The following UQCRB variants were observed in gnomAD, a reference collection of about 807,000 sequenced individuals.
The protein encoded by UQCRB is ubiquinol-cytochrome c reductase binding protein, also known as cytochrome b-c1 complex subunit 7.
In UQCRB, 12 loss-of-function variants were observed where a neutral mutation model predicts 19.8. That is an observed-to-expected ratio of 0.61 (90% CI 0.39 to 0.98). The LOEUF is 0.98. Among genes scored for constraint, UQCRB ranks in the 50% least tolerant of loss-of-function variants. The probability of loss-of-function intolerance (pLI) is 0.00; values close to 1 mark genes in which losing one functional copy is unlikely to be tolerated. For synonymous variants in UQCRB, 39 were observed against 42.9 expected, an observed-to-expected ratio of 0.91 and a Z score of 0.35; for missense variants, 142 against 131.8, an observed-to-expected ratio of 1.08 and a Z score of -0.38.
In UQCRB at chr8:96,230,690, G is replaced by A. The variant is rs1404629389; in HGVS notation, c.*365C>T. 1 of 471,756 alleles carries A rather than the reference G, an allele frequency of 2.1e-6. No individual in the cohort carries two copies. The highest frequency in any genetic ancestry group is 6.5e-5 in the East Asian group (1 of 15,312). 29.2% of individuals were successfully genotyped at this position (471,756 alleles called of 1,614,324 possible). A position where few individuals can be genotyped will look rare whatever the true frequency, so the allele number is the denominator to read the frequency against. ...GTGAAGAGGCTATTTCTCAATCTTG[G>A]CAAACTAGGGGGTGCATACCCCCTT... is the stretch of plus-strand genomic sequence containing the variant. On this transcript the variant is annotated 3_prime_UTR_variant, in exon 4 of 4. Transcript: ENST00000287022.
chr8:96,234,349 C>G (rs114653511), intron 1 of UQCRB: 22 of 418,662 alleles, frequency 5.3e-5, no homozygotes, highest in Admixed American at 3.8e-4. Flanking sequence ...GCACCAAACA[C>G]TTTCCTATTT....
At chr8:96,235,254 TG>T in intron 1 of UQCRB, 1 of 600,464 alleles carries the variant, frequency 1.7e-6, no homozygotes, top group Non-Finnish European at 3.0e-6. Context: ...CACGGGCAGC[TG>T]GAACTCCAGG....
chr8:96,233,069 TGCAAAA>T, intron 2 of UQCRB, 81 bp downstream of exon 2: 2 of 1,308,040 alleles, frequency 1.5e-6, no homozygotes, highest in South Asian at 2.5e-5. Flanking sequence ...CAGTAACACT[TGCAAAA>T]GCAATACTCT....
rs1220980996 is a variant in UQCRB, at chr8:96,230,329, G to A, written c.*726C>T. Reference sequence around the variant, plus strand: ...TGACTTCAGGTGACCCGCCCGCCTCGGCCTCCCAAAGTGCTGGGATTACAG... The same window carrying A: ...TGACTTCAGGTGACCCGCCCGCCTCAGCCTCCCAAAGTGCTGGGATTACAG... On this transcript the variant is annotated 3_prime_UTR_variant, in exon 4 of 4. Transcript: ENST00000287022. 4.3e-5 allele frequency: 18 copies of A among 417,996 alleles called. No homozygotes were observed. Among genetic ancestry groups the A allele is most frequent in the Admixed American group, 1.4e-4 (5 of 37,006 alleles). 25.9% of individuals were successfully genotyped at this position (417,996 alleles called of 1,614,324 possible). A position where few individuals can be genotyped will look rare whatever the true frequency, so the allele number is the denominator to read the frequency against.
rs1481837757 is a variant in UQCRB, at chr8:96,235,422, T to C, written c.19+90A>G. ...TCCCTTCCGCGACAAACTTGGCCAC[T>C]TACAAAGAAGAGAGAAAACGGAGCA... On this transcript the variant is annotated intron_variant, in intron 1 of 3. Transcript: ENST00000287022. The C allele has an allele frequency of 1.9e-6, 3 of 1,590,772 alleles. No individual in the cohort carries two copies. In the East Asian group the frequency reaches 6.7e-5, roughly 36 times the overall value.
intron 2 of UQCRB, 27 bp from the exon 3 acceptor site, chr8:96,231,967 C>T: frequency 6.2e-7 from 1 of 1,609,932 alleles, no homozygotes; most frequent in Non-Finnish European, 8.5e-7. Flanking sequence ...AGTTAGATTG[C>T]ACATGCATCT....
intron 1 of UQCRB, chr8:96,233,771 TAC>T (rs1809731482): frequency 6.5e-6 from 1 of 153,300 alleles, no homozygotes; most frequent in Admixed American, 6.5e-5. Flanking sequence ...TACTCGATAT[TAC>T]AGTTATTTCA....
In UQCRB at chr8:96,227,400, T is replaced by C. The variant is rs985589803; in HGVS notation, c.*3655A>G. ...TGTGATGTACACTAAGTTGTAAAGT[T>C]ATAGGGCATCGCCACCTAGTGGCAG... On this transcript the variant is annotated 3_prime_UTR_variant, in exon 4 of 4. Coordinates refer to ENST00000287022, the MANE Select transcript of UQCRB (RefSeq NM_006294.5). 4.4e-5 allele frequency: 20 copies of C among 453,980 alleles called. No homozygotes were observed. The highest frequency in any genetic ancestry group is 8.8e-5 in the Non-Finnish European group (20 of 226,790). 28.1% of individuals were successfully genotyped at this position (453,980 alleles called of 1,614,324 possible). A position where few individuals can be genotyped will look rare whatever the true frequency, so the allele number is the denominator to read the frequency against.
Position 96,229,881 on chromosome 8 carries a change from A to G in UQCRB, c.*1174T>C. On this transcript the variant is annotated 3_prime_UTR_variant, in exon 4 of 4. Coordinates refer to ENST00000287022, the MANE Select transcript of UQCRB (RefSeq NM_006294.5). ...TTTCTCATTGCTTTACAAACTTTAA[A>G]TGTAACACAAATTCGTTTTTCACAC... is the stretch of plus-strand genomic sequence containing the variant. The G allele has an allele frequency of 2.2e-6, 1 of 450,414 alleles. No homozygotes were observed. The highest frequency in any genetic ancestry group is 4.4e-6 in the Non-Finnish European group (1 of 225,002). 27.9% of individuals were successfully genotyped at this position (450,414 alleles called of 1,614,324 possible).
intron 3 of UQCRB, 189 bp downstream of exon 3, chr8:96,231,585 G>C (rs562248966): frequency 7.3e-7 from 1 of 1,363,892 alleles, no homozygotes; most frequent in Non-Finnish European, 1.0e-6. Flanking sequence ...AATTTCAGAA[G>C]AATCATTTCA....
chr8:96,227,254 A>G lies in UQCRB; in HGVS notation c.*3801T>C, dbSNP rs563962154. On this transcript the variant is annotated 3_prime_UTR_variant, in exon 4 of 4. Coordinates refer to ENST00000287022, the MANE Select transcript of UQCRB (RefSeq NM_006294.5). ...ATATATTAGATTTCATTACATCAGT[A>G]TATAGCTTAGTAGTAAATTCTCCTG... 4 of 453,996 alleles carry G rather than the reference A, an allele frequency of 8.8e-6. No individual in the cohort carries two copies. The highest frequency in any genetic ancestry group is 6.2e-5 in the South Asian group (4 of 64,446). 28.1% of individuals were successfully genotyped at this position (453,996 alleles called of 1,614,324 possible).
In UQCRB at chr8:96,231,778, T is replaced by C; in HGVS notation, c.254A>G (p.Glu85Gly). The C allele has an allele frequency of 6.2e-7, 1 of 1,614,176 alleles. No individual in the cohort carries two copies. Among genetic ancestry groups the C allele is most frequent in the Non-Finnish European group, 8.5e-7 (1 of 1,180,012 alleles). ...ILPKEQWTKY[E>G]EENFYLEPYL... Reference sequence around the variant, plus strand: ...AGGTAGATAAAGCTGTGCTACCTCTTCATATTTGGTCCACTGCTCTTTAGG... The same window carrying C: ...AGGTAGATAAAGCTGTGCTACCTCTCCATATTTGGTCCACTGCTCTTTAGG... Residue 85 changes from glutamate (E) to glycine (G), a missense_variant, in exon 3 of 4, where the codon GAA (glutamate) becomes GGA (glycine). By Grantham distance (98) the Glu-to-Gly change is moderately conservative. This residue lies in a region of UQCRB where 132 missense variants were observed against 107.5 expected (regional missense o/e 1.23). Coordinates refer to ENST00000287022, the MANE Select transcript of UQCRB (RefSeq NM_006294.5).
rs773086589 is a variant in UQCRB, at chr8:96,231,137, AGAAT to A, written c.259-9_259-6del. On this transcript the variant is annotated splice_polypyrimidine_tract_variant and splice_region_variant and intron_variant, in intron 3 of 3. Coordinates refer to ENST00000287022, the MANE Select transcript of UQCRB (RefSeq NM_006294.5). ...CGGTTCAAGGTAGAAATTTTCCTAA[AGAAT>A]GAATGAAATATTATATGTTACCATC... 3 of 1,614,130 alleles carry A rather than the reference AGAAT, an allele frequency of 1.9e-6. No homozygotes were observed. The highest frequency in any genetic ancestry group is 2.5e-6 in the Non-Finnish European group (3 of 1,179,980).
intron 1 of UQCRB, chr8:96,234,823 G>C (rs1473636960): frequency 6.2e-6 from 1 of 160,108 alleles, no homozygotes; most frequent in East Asian, 1.9e-4. Flanking sequence ...TGTACCGCCA[G>C]AGGGCAGAGA....
In UQCRB at chr8:96,226,905, GTTC is replaced by G. The variant is rs1285122044; in HGVS notation, c.*4147_*4149del. ...AAATTAACCACCGTATAATGATTCAGTTCTTCTTTCTTGCTCAATTGCTAATAC... is the reference window on the plus strand; with the variant it reads ...AAATTAACCACCGTATAATGATTCAGTTCTTTCTTGCTCAATTGCTAATAC... On this transcript the variant is annotated 3_prime_UTR_variant, in exon 4 of 4. Transcript: ENST00000287022. The G allele has an allele frequency of 3.1e-5, 14 of 453,728 alleles. No homozygotes were observed. The highest frequency in any genetic ancestry group is 6.0e-5 in the African/African-American group (3 of 49,968). 28.1% of individuals were successfully genotyped at this position (453,728 alleles called of 1,614,324 possible).
At chr8:96,235,326 G>A in intron 1 of UQCRB, 186 bp downstream of exon 1, 4 of 882,238 alleles carry the variant, frequency 4.5e-6, no homozygotes, top group Non-Finnish European at 7.3e-6. Context: ...ACCCTATACA[G>A]GCAAGCCCGC....
rs1307474215 is a variant in UQCRB at position 96,224,596 on chromosome 8, A to G, written c.*6459T>C. ...ATTACCAGGCTGCATCACCCTCAAC[A>G]GACCCGTGTTTGTGGAGCCCCTCCG... On this transcript the variant is annotated 3_prime_UTR_variant, in exon 4 of 4. Coordinates refer to ENST00000287022, the MANE Select transcript of UQCRB (RefSeq NM_006294.5). 2.0e-5 allele frequency among the ~76,000 whole-genome samples: 3 copies of G among 152,202 alleles called. No individual in the cohort carries two copies. Among genetic ancestry groups the G allele is most frequent in the African/African-American group, 7.2e-5 (3 of 41,458 alleles).
In UQCRB at chr8:96,222,984, T is replaced by C. The variant is rs71514911; in HGVS notation, c.*8071A>G. ...TTATTTATTTGTGCAATCTAAAACA[T>C]GTCAAATACATAGAAACAGAGAAGA... On this transcript the variant is annotated 3_prime_UTR_variant, in exon 4 of 4. Coordinates refer to ENST00000287022, the MANE Select transcript of UQCRB (RefSeq NM_006294.5). Among the ~76,000 whole-genome samples, 1 of 152,086 alleles carries C rather than the reference T, an allele frequency of 6.6e-6. No homozygotes were observed. Among genetic ancestry groups the C allele is most frequent in the African/African-American group, 2.4e-5 (1 of 41,410 alleles).
Position 96,233,096 on chromosome 8 carries a change from A to G in UQCRB, c.91+60T>C, listed in dbSNP as rs1022997162. ...CAAAAGCAATACTCTCAGAAAAACA[A>G]AAAAAAAAACAAAGAAACAACAACA... On this transcript the variant is annotated intron_variant, in intron 2 of 3. Coordinates refer to ENST00000287022, the MANE Select transcript of UQCRB (RefSeq NM_006294.5). 7.2e-6 allele frequency: 11 copies of G among 1,526,806 alleles called. No individual in the cohort carries two copies. The African/African-American group carries it at 1.5e-4, about 21-fold the overall frequency. The allele number at this position is 1,526,806 out of a possible 1,614,324, so 94.6% of individuals were successfully genotyped here.
Sources: allele counts gnomAD v4.1 joint callset (sites outside exome capture counted in the v4.1 genomes callset), GRCh38; gene constraint gnomAD v4.1.1; regional missense constraint gnomAD v4.1.1; transcripts MANE v1.5; gene names NCBI Gene and HGNC (gene_info 2026-07-23, HGNC 2026-07-21).